The following PCNX2 variants were observed in gnomAD, a reference collection of about 807,000 sequenced individuals.
PCNX2 encodes the protein pecanex-like protein 2.
In PCNX2, 168 loss-of-function variants were observed where a neutral mutation model predicts 223.8. The ratio of observed to expected loss-of-function variants is 0.75; its 90% CI spans 0.66 to 0.85. The LOEUF is 0.85. Among genes scored for constraint, PCNX2 ranks in the 40% least tolerant of loss-of-function variants. The probability of loss-of-function intolerance (pLI) is 0.00; values close to 1 mark genes in which losing one functional copy is unlikely to be tolerated. For missense variants in PCNX2, 2,507 were observed against 2,675.5 expected, an observed-to-expected ratio of 0.94 and a Z score of 1.39; for synonymous variants, 1,006 against 1,052.6, an observed-to-expected ratio of 0.96 and a Z score of 0.86.
At chr1:232,998,032 C>A (rs933306249) in intron 32 of PCNX2, among the ~76,000 whole-genome samples, 1 of 152,154 alleles carries the variant, frequency 6.6e-6, no homozygotes, top group Admixed American at 6.5e-5. Context: ...AATGGCTGGC[C>A]AAGGTCATGG....
chr1:233,080,400 AAAC>A (rs1354785396), intron 23 of PCNX2, among the ~76,000 whole-genome samples: 1 of 137,494 alleles, frequency 7.3e-6, no homozygotes, highest in African/African-American at 3.3e-5. Flanking sequence ...ACACACACAC[AAAC>A]ACACACACAC....
intron 32 of PCNX2, among the ~76,000 whole-genome samples, chr1:232,994,223 G>A (rs1008596132): frequency 1.3e-5 from 2 of 152,226 alleles, no homozygotes; most frequent in African/African-American, 2.4e-5. Context: ...ACAGCTGCAG[G>A]GACTGTACCC....
At chr1:233,195,528 G>C (rs574093417) in intron 15 of PCNX2, among the ~76,000 whole-genome samples, 11 of 152,298 alleles carry the variant, frequency 7.2e-5, no homozygotes, top group African/African-American at 2.6e-4. Flanking sequence ...TTTATTGATA[G>C]ACATGACAAT....
chr1:233,268,398 C>G (rs765449816), intron 1 of PCNX2, among the ~76,000 whole-genome samples: 1 of 152,100 alleles, frequency 6.6e-6, no homozygotes, highest in Non-Finnish European at 1.5e-5. Context: ...GAGAATCAAC[C>G]GCTGCTGAGG....
intron 1 of PCNX2, chr1:233,294,050 T>C (rs1188107375): frequency 1.4e-5 from 13 of 945,868 alleles, no homozygotes; most frequent in African/African-American, 3.6e-5. Flanking sequence ...ATATATAATT[T>C]TGGTTAATTT....
Position 233,096,728 on chromosome 1 carries a change from A to T in PCNX2, c.3838-865T>A, listed in dbSNP as rs144550006. Among the ~76,000 whole-genome samples, 589 of 152,324 alleles carry T rather than the reference A, an allele frequency of 3.9e-3. 4 individuals are homozygous for T. Among genetic ancestry groups the T allele is most frequent in the African/African-American group, 0.014 (573 of 41,586 alleles). ...ACAATAAAATACATTCACCAAGGCC[A>T]TGATGTGAAATGAGAAGAAAAAATA... On this transcript the variant is annotated intron_variant, in intron 21 of 33. Transcript: ENST00000258229.
At chr1:233,145,873 T>G (rs182669826) in intron 19 of PCNX2, among the ~76,000 whole-genome samples, 52 of 152,312 alleles carry the variant, frequency 3.4e-4, no homozygotes, top group African/African-American at 1.3e-3. Context: ...TGACGTCCCA[T>G]GTATGGAATA....
At position 233,295,302 on chromosome 1, in the gene PCNX2, C is replaced by G. The variant is rs1476884077; in HGVS notation, c.153+24G>C. 1.9e-6 allele frequency: 3 copies of G among 1,569,736 alleles called. No individual in the cohort carries two copies. In the African/African-American group the frequency reaches 4.1e-5, roughly 21 times the overall value. On this transcript the variant is annotated intron_variant, in intron 1 of 33. Transcript: ENST00000258229. The surrounding 1 kb of genome is among the most constrained non-coding windows in gnomAD (Gnocchi z 4.1). Reference sequence around the variant, plus strand: ...TCTTCCCTCCATACCCACAGCTCCCCGGGACCGGACCCTCCCCACTCACCA... The same window carrying G: ...TCTTCCCTCCATACCCACAGCTCCCGGGGACCGGACCCTCCCCACTCACCA...
chr1:232,985,912 C>T (rs1669456383), intron 33 of PCNX2, 180 bp downstream of exon 33: 1 of 698,210 alleles, frequency 1.4e-6, no homozygotes, highest in Non-Finnish European at 2.5e-6. Context: ...TGTCTGCTTT[C>T]AAGAGCAGCT....
intron 23 of PCNX2, among the ~76,000 whole-genome samples, chr1:233,064,773 AG>A (rs1672530100): frequency 6.6e-6 from 1 of 152,124 alleles, no homozygotes; most frequent in East Asian, 1.9e-4. Context: ...TACTTTTAGC[AG>A]GTATAAAAGT....
chr1:233,261,407 C>T (rs920461439), intron 3 of PCNX2, 86 bp from the exon 4 acceptor site: 3 of 1,261,966 alleles, frequency 2.4e-6, no homozygotes, highest in Non-Finnish European at 3.5e-6. Context: ...ACAGCAGTCA[C>T]TGATTTTCTA....
In PCNX2 at chr1:233,258,574, C is replaced by T. The variant is rs746335615; in HGVS notation, c.1288G>A (p.Val430Ile). The T allele has an allele frequency of 1.2e-6, 2 of 1,613,916 alleles. No homozygotes were observed. The highest frequency in any genetic ancestry group is 1.1e-5 in the South Asian group (1 of 91,074). ...CCCTCAGGCAGGTCCAGGGTGATTA[C>T]AGGAATTGAGATCTGCTCGGCATTT... is the stretch of plus-strand genomic sequence containing the variant. Reference protein sequence around the residue: ...SPNAEQISIPVITLDLPEGGG... With the variant: ...SPNAEQISIPIITLDLPEGGG... The change falls in exon 5 of 34, where the codon GTA becomes ATA. Residue 430 changes from valine (V) to isoleucine (I), a missense_variant. Transcript: ENST00000258229.
At chr1:233,036,364 C>T (rs1671453723) in intron 25 of PCNX2, among the ~76,000 whole-genome samples, 1 of 152,178 alleles carries the variant, frequency 6.6e-6, no homozygotes, top group Non-Finnish European at 1.5e-5. Context: ...GGCATGGTGG[C>T]TCATGCCTGT....
intron 26 of PCNX2, among the ~76,000 whole-genome samples, chr1:233,022,228 T>C (rs925458184): frequency 6.6e-6 from 1 of 152,180 alleles, no homozygotes; most frequent in African/African-American, 2.4e-5. Flanking sequence ...GTCCAGACTG[T>C]ATGGCCCAGA....
intron 13 of PCNX2, chr1:233,201,342 G>T (rs916646572): frequency 6.6e-6 from 1 of 152,098 alleles, no homozygotes. Flanking sequence ...TCTGAAAGCA[G>T]TTTATTTCTC....
chr1:233,258,872 G>A lies in PCNX2; in HGVS notation c.990C>T (p.Ser330=). The A allele has an allele frequency of 6.2e-7, 1 of 1,613,968 alleles. No individual in the cohort carries two copies. Among genetic ancestry groups the A allele is most frequent in the South Asian group, 1.1e-5 (1 of 91,088 alleles). Residue 330 remains serine, a synonymous_variant, in exon 5 of 34, where the codon TCC becomes TCT. Transcript: ENST00000258229. Reference sequence around the variant, plus strand: ...CCTGGCAGGAGGTATCTACCTGACAGGATGTGTCTGCTGGCTCCTCCACAG... The same window carrying A: ...CCTGGCAGGAGGTATCTACCTGACAAGATGTGTCTGCTGGCTCCTCCACAG... ...AKPVEEPADT[S]CQVDTSCQGD...
chr1:233,176,057 G>T (rs1679457841), intron 17 of PCNX2, among the ~76,000 whole-genome samples: 1 of 152,166 alleles, frequency 6.6e-6, no homozygotes, highest in Middle Eastern at 3.2e-3. Context: ...ATGAGACACA[G>T]TCCTGGCTGG....
intron 19 of PCNX2, among the ~76,000 whole-genome samples, chr1:233,153,524 A>G (rs116625800): frequency 0.01 from 1,546 of 152,356 alleles, 26 homozygotes; most frequent in African/African-American, 0.035. Context: ...GTTAAAAAAG[A>G]GCCTGAGTAG....
intron 23 of PCNX2, 45 bp from the exon 24 acceptor site, chr1:233,057,335 C>G (rs1165336491): frequency 1.4e-6 from 2 of 1,474,150 alleles, no homozygotes; most frequent in Non-Finnish European, 1.9e-6. Context: ...TTAGATCCCC[C>G]CAAGCAGAAG....
Sources: allele counts gnomAD v4.1 joint callset (sites outside exome capture counted in the v4.1 genomes callset), GRCh38; gene constraint gnomAD v4.1.1; non-coding constraint Gnocchi (gnomAD v3.1); transcripts MANE v1.5; gene names NCBI Gene and HGNC (gene_info 2026-07-23, HGNC 2026-07-21).